Variants in INSYN2B observed in about 807,000 individuals in gnomAD.
The protein encoded by INSYN2B is protein INSYN2B.
INSYN2B carries 16 observed loss-of-function variants against 41.2 expected under a neutral mutation model. The ratio of observed to expected loss-of-function variants is 0.39; its 90% CI spans 0.26 to 0.59. INSYN2B has a LOEUF of 0.59. Among genes scored for constraint, INSYN2B ranks in the 20% least tolerant of loss-of-function variants. INSYN2B has a pLI of 0.57. For missense variants in INSYN2B, 608 were observed against 646.4 expected, an observed-to-expected ratio of 0.94 and a Z score of 0.64; for synonymous variants, 245 against 244.4, an observed-to-expected ratio of 1.00 and a Z score of -0.02.
rs1581459665 is a variant in INSYN2B at position 169,948,683 on chromosome 5, G to A, written c.-919+31594C>T. ...GGCTGGAGTGCAGTGGTGTGATTAT[G>A]GCTCACTGCAGTCTGGAACTTATGG... On this transcript the variant is annotated intron_variant, in intron 1 of 3. Transcript: ENST00000377365. Among the ~76,000 whole-genome samples, 4 of 149,468 alleles carry A rather than the reference G, an allele frequency of 2.7e-5. No homozygotes were observed. The South Asian group carries it at 6.5e-4, about 24-fold the overall frequency.
intron 1 of INSYN2B, among the ~76,000 whole-genome samples, chr5:169,916,551 CTTAT>C (rs1034603129): frequency 7.2e-5 from 11 of 152,170 alleles, no homozygotes; most frequent in Non-Finnish European, 2.9e-5. Context: ...CTGTGCCTCC[CTTAT>C]TTATAAAGTG....
chr5:169,944,031 G>A (rs1378675909), intron 1 of INSYN2B, among the ~76,000 whole-genome samples: 1 of 152,226 alleles, frequency 6.6e-6, no homozygotes, highest in Non-Finnish European at 1.5e-5. Flanking sequence ...TGTGGACTAA[G>A]AATTAGTATT....
chr5:169,872,841 TCA>T (rs1772071867), intron 3 of INSYN2B, among the ~76,000 whole-genome samples: 1 of 152,234 alleles, frequency 6.6e-6, no homozygotes, highest in Admixed American at 6.5e-5. Context: ...TCTCTGAGCC[TCA>T]GTTTCCTCAT....
At chr5:169,959,840 C>T (rs1212801248) in intron 1 of INSYN2B, among the ~76,000 whole-genome samples, 1 of 152,030 alleles carries the variant, frequency 6.6e-6, no homozygotes, top group East Asian at 1.9e-4. Flanking sequence ...ATAGGAAATA[C>T]AACAATAGGA....
At chr5:169,868,771 T>C (rs983388464) in intron 3 of INSYN2B, among the ~76,000 whole-genome samples, 3 of 151,914 alleles carry the variant, frequency 2.0e-5, no homozygotes, top group South Asian at 2.1e-4. Context: ...AAAAAGAAAA[T>C]GATATTAATG....
At chr5:169,952,630 A>G (rs1167605429) in intron 1 of INSYN2B, among the ~76,000 whole-genome samples, 5 of 152,160 alleles carry the variant, frequency 3.3e-5, no homozygotes, top group Admixed American at 3.3e-4. Flanking sequence ...ATCCCTGCTA[A>G]GAGCTCTGGA....
intron 1 of INSYN2B, among the ~76,000 whole-genome samples, chr5:169,926,878 C>G (rs1270722791): frequency 6.6e-6 from 1 of 152,060 alleles, no homozygotes; most frequent in Non-Finnish European, 1.5e-5. Context: ...AAAAAAAGAC[C>G]AGTACATGAA....
intron 3 of INSYN2B, among the ~76,000 whole-genome samples, chr5:169,876,261 C>A (rs1337608447): frequency 5.9e-5 from 9 of 152,238 alleles, no homozygotes; most frequent in African/African-American, 2.2e-4. Flanking sequence ...TGCAAAGTCC[C>A]TTTTGCCAAA....
At chr5:169,900,916 G>A (rs1265251037) in intron 1 of INSYN2B, among the ~76,000 whole-genome samples, 1 of 152,146 alleles carries the variant, frequency 6.6e-6, no homozygotes, top group Non-Finnish European at 1.5e-5. Context: ...ATCTAGAACT[G>A]TCTTCACCTT....
At chr5:169,971,838 C>T (rs555573198) in intron 1 of INSYN2B, among the ~76,000 whole-genome samples, 4 of 152,336 alleles carry the variant, frequency 2.6e-5, no homozygotes, top group South Asian at 2.1e-4. Flanking sequence ...AAATATCTCT[C>T]GTAGTTACCC....
chr5:169,975,672 T>C (rs1042716854), intron 1 of INSYN2B, among the ~76,000 whole-genome samples: 9 of 152,214 alleles, frequency 5.9e-5, no homozygotes, highest in African/African-American at 2.2e-4. Context: ...CTATTGAAAA[T>C]AGGGCAGATA....
chr5:169,953,165 T>C (rs1251590176), intron 1 of INSYN2B, among the ~76,000 whole-genome samples: 1 of 151,890 alleles, frequency 6.6e-6, no homozygotes, highest in Non-Finnish European at 1.5e-5. Flanking sequence ...CTACTAAAAA[T>C]ACAAAAAATT....
intron 1 of INSYN2B, among the ~76,000 whole-genome samples, chr5:169,963,019 G>T (rs1777155215): frequency 6.6e-6 from 1 of 152,164 alleles, no homozygotes; most frequent in South Asian, 2.1e-4. Context: ...ACATTTTGAT[G>T]CTTAAGTGGG....
At chr5:169,891,142 A>T (rs573533525) in intron 1 of INSYN2B, among the ~76,000 whole-genome samples, 1 of 152,056 alleles carries the variant, frequency 6.6e-6, no homozygotes, top group East Asian at 1.9e-4. Context: ...TGAACATGCT[A>T]GATTCATTCT....
chr5:169,865,896 C>T (rs1397982906), intron 3 of INSYN2B, among the ~76,000 whole-genome samples: 1 of 152,246 alleles, frequency 6.6e-6, no homozygotes, highest in African/African-American at 2.4e-5. Context: ...CCCCATGTCA[C>T]CTCCCAGGGC....
chr5:169,973,052 G>A (rs1777583787), intron 1 of INSYN2B, among the ~76,000 whole-genome samples: 1 of 152,142 alleles, frequency 6.6e-6, no homozygotes, highest in South Asian at 2.1e-4. Context: ...TACATGATGT[G>A]AGAGACCTTC....
chr5:169,919,344 A>T (rs1775049138), intron 1 of INSYN2B, among the ~76,000 whole-genome samples: 1 of 152,150 alleles, frequency 6.6e-6, no homozygotes, highest in Non-Finnish European at 1.5e-5. Context: ...GTTTATGAAG[A>T]TTTACTGCGT....
In INSYN2B at chr5:169,914,118, A is replaced by G. The variant is rs151167800; in HGVS notation, c.-918-29302T>C. Among the ~76,000 whole-genome samples the G allele has an allele frequency of 1.5e-4, 23 of 152,310 alleles. No homozygotes were observed. The East Asian group carries it at 4.2e-3, about 28-fold the overall frequency. ...TCTGGTCCCTCAGAACGCCTTTTGT[A>G]TAGATATTATACATCCTGAAGACAA... On this transcript the variant is annotated intron_variant, in intron 1 of 3. Transcript: ENST00000377365.
Position 169,864,263 on chromosome 5 carries a change from C to T in INSYN2B, c.*10G>A, listed in dbSNP as rs73801668. On this transcript the variant is annotated 3_prime_UTR_variant, in exon 4 of 4. Coordinates refer to ENST00000377365, the MANE Select transcript of INSYN2B (RefSeq NM_001129891.3). Reference sequence around the variant, plus strand: ...TGGAGTTGGGGGGCTGGGGGATGGTCCCAACCAGCTCAGATCCACCAGAAG... The same window carrying T: ...TGGAGTTGGGGGGCTGGGGGATGGTTCCAACCAGCTCAGATCCACCAGAAG... 1.2e-5 allele frequency: 19 copies of T among 1,550,862 alleles called. No individual in the cohort carries two copies. Among genetic ancestry groups the T allele is most frequent in the Non-Finnish European group, 1.7e-5 (19 of 1,146,536 alleles).
Sources: gnomAD v4.1 joint callset for allele counts (sites outside exome capture counted in the v4.1 genomes callset) on GRCh38, gnomAD v4.1.1 for gene constraint, MANE v1.5 for transcripts, NCBI Gene and HGNC (gene_info 2026-07-23, HGNC 2026-07-21) for gene names.